LYAR: variants seen among roughly 807,000 people sequenced by gnomAD.
LYAR encodes the protein cell growth-regulating nucleolar protein.
LYAR carries 37 observed loss-of-function variants against 45.2 expected under a neutral mutation model. The ratio of observed to expected loss-of-function variants is 0.82; its 90% confidence interval spans 0.63 to 1.08. The LOEUF (loss-of-function observed/expected upper bound fraction) is 1.08. LYAR is among the 50% of genes least tolerant of loss of function. The probability of loss-of-function intolerance (pLI) is 0.00; values close to 1 mark genes in which losing one functional copy is unlikely to be tolerated. For synonymous variants in LYAR, 176 were observed against 155.1 expected (o/e 1.14, Z -1.00); for missense variants, 493 against 451.0 (o/e 1.09, Z -0.84).
chr4:4,268,103 GAAC>G (rs1369739934), intron 9 of LYAR, 80 bp from the exon 10 acceptor site: 9 of 1,268,276 alleles, frequency 7.1e-6, no homozygotes, highest in Non-Finnish European at 8.3e-6. Context: ...CCCAGAAATA[GAAC>G]AACAGGAAAA....
chr4:4,274,626 T>C lies in LYAR; in HGVS notation c.573A>G (p.Arg191=). The C allele has an allele frequency of 1.2e-6, 2 of 1,614,122 alleles. No individual in the cohort carries two copies. Among genetic ancestry groups the C allele is most frequent in the South Asian group, 2.2e-5 (2 of 91,040 alleles). The stretch of plus-strand genomic sequence containing the variant: ...TCCTTTTCTTCTGCCGTTCTTCCTT[T>C]CTTTCTCTTTTATTCTTCTTCACCT... ...QGEVKKNKRE[R]KEERQKKRKR... is the part of the protein sequence containing the mutation. The change falls in exon 7 of 10, where the codon AGA becomes AGG. Residue 191 remains arginine, a synonymous_variant. Coordinates refer to ENST00000343470, the MANE Select transcript of LYAR (RefSeq NM_017816.3).
intron 6 of LYAR, among the ~76,000 whole-genome samples, chr4:4,275,001 T>C (rs1719121654): frequency 1.3e-5 from 2 of 152,214 alleles, no homozygotes; most frequent in African/African-American, 2.4e-5. Flanking sequence ...AACAGACATT[T>C]TCATTCCACT....
chr4:4,283,370 T>C (rs937073164), intron 3 of LYAR, among the ~76,000 whole-genome samples: 1 of 152,132 alleles, frequency 6.6e-6, no homozygotes, highest in African/African-American at 2.4e-5. Flanking sequence ...AGGCTGGTCT[T>C]CAACTCCTGA....
chr4:4,274,569 G>A lies in LYAR; in HGVS notation c.630C>T (p.Asn210=), dbSNP rs770402483. The stretch of plus-strand genomic sequence containing the variant: ...TCTGATTCCTTGAGTTTTCCTGGTG[G>A]TTTTCTAACTTTAGTTCTTTCTTTT... The part of the protein sequence containing the change: ...KREKKELKLE[N]HQENSRNQKP... Residue 210 remains asparagine, a synonymous_variant, in exon 7 of 10, where the codon AAC becomes AAT. Transcript: ENST00000343470. 6.2e-7 allele frequency: 1 copy of A among 1,613,606 alleles called. No individual in the cohort carries two copies. Among genetic ancestry groups the A allele is most frequent in the African/African-American group, 1.3e-5 (1 of 74,886 alleles).
intron 8 of LYAR, among the ~76,000 whole-genome samples, chr4:4,271,834 C>T (rs1160870135): frequency 1.3e-5 from 2 of 152,168 alleles, no homozygotes; most frequent in African/African-American, 2.4e-5. Flanking sequence ...AGACTAGAAA[C>T]CACCCAGGTG....
chr4:4,268,414 G>C (rs1718796394), intron 9 of LYAR, 116 bp downstream of exon 9: 7 of 725,718 alleles, frequency 9.6e-6, no homozygotes. Flanking sequence ...AAATCACTGA[G>C]ACACACACAC....
intron 1 of LYAR, among the ~76,000 whole-genome samples, chr4:4,288,216 T>C (rs1309741182): frequency 6.6e-6 from 1 of 152,206 alleles, no homozygotes; most frequent in East Asian, 1.9e-4. Flanking sequence ...CCTGCCCAAT[T>C]GTAGAAAGGT....
chr4:4,282,037 C>T (rs1344477741), intron 3 of LYAR, 140 bp from the exon 4 acceptor site: 4 of 591,940 alleles, frequency 6.8e-6, no homozygotes, highest in Non-Finnish European at 1.2e-5. Context: ...ATCTATTTCA[C>T]TTATTATGTT....
At chr4:4,270,268 T>TAAAAA (rs11377872) in intron 8 of LYAR, among the ~76,000 whole-genome samples, 1 of 121,972 alleles carries the variant, frequency 8.2e-6, no homozygotes, top group East Asian at 2.4e-4. Flanking sequence ...TGTTGATTTG[T>TAAAAA]AAAAAAAAAA....
intron 8 of LYAR, among the ~76,000 whole-genome samples, chr4:4,269,440 T>C (rs1468138167): frequency 1.3e-5 from 2 of 152,140 alleles, no homozygotes; most frequent in African/African-American, 4.8e-5. Context: ...CTCGCAAGGC[T>C]GTAATGAGGG....
At position 4,274,380 on chromosome 4, in the gene LYAR, C is replaced by T; in HGVS notation, c.819G>A (p.Arg273=). 6.2e-7 allele frequency: 1 copy of T among 1,610,562 alleles called. No individual in the cohort carries two copies. The highest frequency in any genetic ancestry group is 8.5e-7 in the Non-Finnish European group (1 of 1,177,876). The change falls in exon 7 of 10, where the codon CGG becomes CGA. Residue 273 remains arginine, a synonymous_variant. Transcript: ENST00000343470. The part of the protein sequence containing the change: ...EARVGAGKRK[R]RHSEVETDSK... ...CTAGCCACTTACCTTCCGAGTGCCT[C>T]CGCTTCCTCTTCCCTGCGCCCACGC...
chr4:4,281,671 A>G (rs189024319), intron 4 of LYAR, 112 bp downstream of exon 4: 174 of 775,350 alleles, frequency 2.2e-4, no homozygotes, highest in African/African-American at 2.1e-3. Context: ...CTAGGACATG[A>G]GGTTTCCAGA....
At chr4:4,285,545 G>T (rs1321656720) in intron 2 of LYAR, among the ~76,000 whole-genome samples, 1 of 152,228 alleles carries the variant, frequency 6.6e-6, no homozygotes. Flanking sequence ...GCACTTTGGT[G>T]TAAGAGCAGG....
At position 4,283,818 on chromosome 4, in the gene LYAR, A is replaced by C. The variant is rs2916439; in HGVS notation, c.-53-23T>G. The C allele has an allele frequency of 0.33, 377,396 of 1,144,632 alleles. 64,778 individuals carry two copies. The highest frequency in any genetic ancestry group is 0.54 in the East Asian group (21,706 of 40,318). The allele number at this position is 1,144,632 out of a possible 1,614,324, so 70.9% of individuals were successfully genotyped here. On this transcript the variant is annotated intron_variant, in intron 2 of 9. Transcript: ENST00000343470. ...GTCCTAAGGAAAAAAAGACAATTAT[A>C]ATTATAAACTGAAACTTCTCATTTC...
chr4:4,283,103 T>A (rs1719468078), intron 3 of LYAR, among the ~76,000 whole-genome samples: 2 of 152,198 alleles, frequency 1.3e-5, no homozygotes. Flanking sequence ...CCCCTTCCCC[T>A]AGTCTTTTCT....
rs531884437 is a variant in LYAR at position 4,271,612 on chromosome 4, A to C, written c.919+1971T>G. On this transcript the variant is annotated intron_variant, in intron 8 of 9. Transcript: ENST00000343470. ...CCAAGCGGTTCTCCATAGTGGTTGT[A>C]CTAATTTACATTCCCACCAACAGTG... Among the ~76,000 whole-genome samples the C allele has an allele frequency of 6.4e-4, 97 of 152,350 alleles. 4 individuals carry two copies. In the South Asian group the frequency reaches 0.019, roughly 30 times the overall value.
intron 6 of LYAR, among the ~76,000 whole-genome samples, chr4:4,275,498 G>A (rs750824748): frequency 4.0e-5 from 6 of 150,378 alleles, no homozygotes; most frequent in African/African-American, 1.5e-4. Flanking sequence ...AGGCTGAAAT[G>A]TAGTGGCACA....
chr4:4,281,493 G>C (rs532857092), intron 4 of LYAR, among the ~76,000 whole-genome samples: 1 of 148,418 alleles, frequency 6.7e-6, no homozygotes, highest in South Asian at 2.1e-4. Flanking sequence ...CTAATTTTTT[G>C]TATTTTTAGT....
At chr4:4,274,293 A>C in intron 7 of LYAR, 74 bp downstream of exon 7, 2 of 1,513,822 alleles carry the variant, frequency 1.3e-6, no homozygotes, top group Non-Finnish European at 1.8e-6. Flanking sequence ...GCTAGGTCTA[A>C]CAGGCTTAAA....
Sources: gnomAD v4.1 joint callset for allele counts (sites outside exome capture counted in the v4.1 genomes callset) on GRCh38, gnomAD v4.1.1 for gene constraint, MANE v1.5 for transcripts, NCBI Gene and HGNC (gene_info 2026-07-23, HGNC 2026-07-21) for gene names.